BIRC6: variants seen among roughly 807,000 people sequenced by gnomAD.
BIRC6 encodes the protein dual E2 ubiquitin-conjugating enzyme/E3 ubiquitin-protein ligase BIRC6.
A neutral mutation model predicts 503.3 loss-of-function variants in BIRC6; 98 were observed. That is an observed-to-expected ratio of 0.19 (90% CI 0.17 to 0.23). The LOEUF (loss-of-function observed/expected upper bound fraction) is 0.23. Among genes scored for constraint, BIRC6 ranks in the 10% least tolerant of loss-of-function variants. The probability of loss-of-function intolerance (pLI) is 1.00; values close to 1 mark genes in which losing one functional copy is unlikely to be tolerated. For missense variants in BIRC6, 5,360 were observed against 5,806.0 expected, an observed-to-expected ratio of 0.92 and a Z score of 2.50; for synonymous variants, 2,240 against 2,078.7, an observed-to-expected ratio of 1.08 and a Z score of -2.11.
chr2:32,548,094 C>T, intron 64 of BIRC6, 80 bp downstream of exon 64: 2 of 1,263,772 alleles, frequency 1.6e-6, no homozygotes, highest in Non-Finnish European at 2.1e-6. Context: ...ATAACTAATC[C>T]AACTTTCCTC....
Position 32,579,587 on chromosome 2 carries a change from G to T in BIRC6, c.13355+4221G>T, listed in dbSNP as rs570572128. On this transcript the variant is annotated intron_variant, in intron 66 of 73. Transcript: ENST00000421745. Reference sequence around the variant, plus strand: ...ACCTGTAGTCCTAGCTGCTCAGGAGGTTGAGGTGGGAGGATCGCTTGAGAC... The same window carrying T: ...ACCTGTAGTCCTAGCTGCTCAGGAGTTTGAGGTGGGAGGATCGCTTGAGAC... Among the ~76,000 whole-genome samples, 24 of 152,228 alleles carry T rather than the reference G, an allele frequency of 1.6e-4. No individual in the cohort carries two copies. In the South Asian group the frequency reaches 5.0e-3, roughly 32 times the overall value.
rs770311139 is a variant in BIRC6, at chr2:32,415,160, AAGG to A, written c.1874_1876del (p.Arg625del). 2.5e-6 allele frequency: 4 copies of A among 1,613,890 alleles called. No homozygotes were observed. The African/African-American group carries it at 4.0e-5, about 16-fold the overall frequency. Reference sequence around the variant, plus strand: ...ATTCAGAACTAAATTCTCCTCTGGTAAGGAGGACTTTACCGGTTTTGCTTCTTT... The same window carrying A: ...ATTCAGAACTAAATTCTCCTCTGGTAAGGACTTTACCGGTTTTGCTTCTTT... On this transcript the variant is annotated inframe_deletion, in exon 10 of 74. Coordinates refer to ENST00000421745, the MANE Select transcript of BIRC6 (RefSeq NM_016252.4).
intron 66 of BIRC6, among the ~76,000 whole-genome samples, chr2:32,587,827 T>A (rs903841723): frequency 2.0e-5 from 3 of 152,228 alleles, no homozygotes; most frequent in Non-Finnish European, 2.9e-5. Flanking sequence ...CTTTTACTCA[T>A]GTGTTTTCAC....
intron 72 of BIRC6, among the ~76,000 whole-genome samples, chr2:32,609,150 T>G (rs1257701046): frequency 6.6e-6 from 1 of 152,066 alleles, no homozygotes; most frequent in African/African-American, 2.4e-5. Flanking sequence ...TTCCAGACTG[T>G]TGGAATTACA....
intron 59 of BIRC6, chr2:32,527,890 A>G (rs2056407116): frequency 6.6e-6 from 1 of 152,254 alleles, no homozygotes; most frequent in Non-Finnish European, 1.5e-5. Flanking sequence ...AAAGGTGCTT[A>G]TAGAAGAAGA....
intron 66 of BIRC6, among the ~76,000 whole-genome samples, chr2:32,577,922 T>C (rs1340068897): frequency 6.6e-6 from 1 of 152,248 alleles, no homozygotes; most frequent in Non-Finnish European, 1.5e-5. Flanking sequence ...AAAATATGCA[T>C]GTGAAGATAT....
intron 49 of BIRC6, among the ~76,000 whole-genome samples, chr2:32,504,625 C>T (rs1268652129): frequency 6.6e-6 from 1 of 151,822 alleles, no homozygotes; most frequent in Non-Finnish European, 1.5e-5. Flanking sequence ...TGAGATCTCA[C>T]CACTGCACTC....
Position 32,521,315 on chromosome 2 carries a change from T to C in BIRC6, c.11623+2369T>C, listed in dbSNP as rs1387608441. Among the ~76,000 whole-genome samples the C allele has an allele frequency of 3.2e-5, 4 of 123,546 alleles. No individual in the cohort carries two copies. In the Admixed American group the frequency reaches 4.6e-4, roughly 14 times the overall value. The allele number at this position is 123,546 out of a possible 152,430, so 81.1% of individuals were successfully genotyped here. The stretch of plus-strand genomic sequence containing the variant: ...GAGATGGAGTCTTTCTCTGCATTAC[T>C]TGAGCCCATGAGTTCCAGACCACCT... On this transcript the variant is annotated intron_variant, in intron 57 of 73. Coordinates refer to ENST00000421745, the MANE Select transcript of BIRC6 (RefSeq NM_016252.4).
intron 53 of BIRC6, among the ~76,000 whole-genome samples, chr2:32,511,910 C>T (rs1019525983): frequency 2.6e-5 from 4 of 151,912 alleles, no homozygotes; most frequent in Admixed American, 6.6e-5. Flanking sequence ...GAATCATAAT[C>T]GTTAGTAGTG....
Position 32,442,311 on chromosome 2 carries a change from T to A in BIRC6, c.4107-13T>A, listed in dbSNP as rs1305107303. 2.5e-6 allele frequency: 4 copies of A among 1,612,942 alleles called. No individual in the cohort carries two copies. The highest frequency in any genetic ancestry group is 3.4e-6 in the Non-Finnish European group (4 of 1,179,494). ...GTTCAGGATGAGTCTAAATGTCTGC[T>A]ATTGTTTTGCAGCTCAAAGGAAGGA... On this transcript the variant is annotated splice_polypyrimidine_tract_variant and intron_variant, in intron 18 of 73. Transcript: ENST00000421745.
intron 37 of BIRC6, among the ~76,000 whole-genome samples, chr2:32,479,960 T>A (rs2050190749): frequency 6.6e-6 from 1 of 152,122 alleles, no homozygotes; most frequent in Non-Finnish European, 1.5e-5. Flanking sequence ...TGGTGTATTT[T>A]TTTCTTACTT....
At chr2:32,363,428 G>A (rs758211138) in intron 1 of BIRC6, among the ~76,000 whole-genome samples, 2 of 151,882 alleles carry the variant, frequency 1.3e-5, no homozygotes, top group Non-Finnish European at 2.9e-5. Context: ...ACTTCCTAAG[G>A]TTTTTTTGTG....
chr2:32,375,073 A>G (rs887026358), intron 1 of BIRC6, among the ~76,000 whole-genome samples: 1 of 152,170 alleles, frequency 6.6e-6, no homozygotes, highest in Non-Finnish European at 1.5e-5. Flanking sequence ...TTTTGTGTAT[A>G]TGTATGTCTA....
At chr2:32,550,196 T>TA (rs1161022474) in intron 65 of BIRC6, among the ~76,000 whole-genome samples, 1 of 152,224 alleles carries the variant, frequency 6.6e-6, no homozygotes, top group Non-Finnish European at 1.5e-5. Context: ...TTTATCTTCT[T>TA]ATGAAAATTT....
intron 15 of BIRC6, 22 bp downstream of exon 15, chr2:32,436,206 A>G (rs927311022): frequency 2.9e-6 from 4 of 1,378,028 alleles, no homozygotes; most frequent in Middle Eastern, 1.9e-4. Context: ...CATTTTACAA[A>G]AGCAGAATTA....
chr2:32,537,724 T>G (rs1025726857), intron 61 of BIRC6, among the ~76,000 whole-genome samples: 31 of 152,286 alleles, frequency 2.0e-4, no homozygotes, highest in African/African-American at 7.5e-4. Flanking sequence ...CCCAGCACTT[T>G]GGGAGGCCGA....
Position 32,518,376 on chromosome 2 carries a change from G to A in BIRC6, c.11472G>A (p.Met3824Ile). 1 of 1,609,126 alleles carries A rather than the reference G, an allele frequency of 6.2e-7. No individual in the cohort carries two copies. Among genetic ancestry groups the A allele is most frequent in the African/African-American group, 1.3e-5 (1 of 74,672 alleles). Reference protein sequence around the residue: ...QLMLEDEKVTMFLQSPCPLYK... With the variant: ...QLMLEDEKVTIFLQSPCPLYK... The stretch of plus-strand genomic sequence containing the variant: ...TGCTGGAAGATGAGAAAGTGACAAT[G>A]TTTCTTCAGTCTCCATGTCCAGTGA... The change falls in exon 56 of 74, where the codon ATG becomes ATA. Residue 3824 changes from methionine (M) to isoleucine (I), a missense_variant. This residue lies in a region of BIRC6 where 878 missense variants were observed against 928.9 expected (regional missense o/e 0.95). Coordinates refer to ENST00000421745, the MANE Select transcript of BIRC6 (RefSeq NM_016252.4).
chr2:32,569,900 A>T (rs2150929475), intron 65 of BIRC6, among the ~76,000 whole-genome samples: 1 of 151,228 alleles, frequency 6.6e-6, no homozygotes, highest in East Asian at 1.9e-4. Context: ...CTGCTTTTTG[A>T]GTTTGAATGC....
chr2:32,530,633 C>T (rs111716813), intron 60 of BIRC6, among the ~76,000 whole-genome samples: 1 of 152,112 alleles, frequency 6.6e-6, no homozygotes, highest in Non-Finnish European at 1.5e-5. Context: ...ATTTTTACTC[C>T]TATAAATGCT....
Sources: allele counts gnomAD v4.1 joint callset (sites outside exome capture counted in the v4.1 genomes callset), GRCh38; gene constraint gnomAD v4.1.1; regional missense constraint gnomAD v4.1.1; transcripts MANE v1.5; gene names NCBI Gene and HGNC (gene_info 2026-07-23, HGNC 2026-07-21).